Variants in PTPRG observed in about 807,000 individuals in gnomAD.
The protein encoded by PTPRG is protein tyrosine phosphatase receptor type G.
A neutral mutation model predicts 165.3 loss-of-function variants in PTPRG; 102 were observed. That is an observed-to-expected ratio of 0.62 (90% CI 0.53 to 0.73). The LOEUF (loss-of-function observed/expected upper bound fraction) is 0.73. PTPRG is among the 30% of genes least tolerant of loss of function. The pLI, the probability that PTPRG is intolerant of heterozygous loss-of-function variation, is 0.00. For synonymous variants in PTPRG, 675 were observed against 669.5 expected (o/e 1.01, Z -0.13); for missense variants, 1,866 against 1,861.4 (o/e 1.00, Z -0.05).
chr3:62,134,437 C>G (rs2106931992), intron 6 of PTPRG, among the ~76,000 whole-genome samples: 1 of 152,346 alleles, frequency 6.6e-6, no homozygotes, highest in South Asian at 2.1e-4. Context: ...GCCAGTCTGC[C>G]TGGTATGCAG....
chr3:62,151,688 A>G (rs1295720984), intron 6 of PTPRG, among the ~76,000 whole-genome samples: 1 of 151,544 alleles, frequency 6.6e-6, no homozygotes, highest in Non-Finnish European at 1.5e-5. Context: ...TTTTTCAAAT[A>G]TTTTTCTCAA....
At chr3:61,791,885 G>T (rs2034886180) in intron 2 of PTPRG, among the ~76,000 whole-genome samples, 1 of 152,220 alleles carries the variant, frequency 6.6e-6, no homozygotes, top group Admixed American at 6.5e-5. Flanking sequence ...CTTGCCTTCA[G>T]AGGTATCGTT....
At chr3:61,660,543 T>C (rs950692470) in intron 1 of PTPRG, among the ~76,000 whole-genome samples, 2 of 152,206 alleles carry the variant, frequency 1.3e-5, no homozygotes, top group African/African-American at 4.8e-5. Context: ...GCGAGTGATA[T>C]ATGCATTTAA....
chr3:61,814,352 G>C (rs2035692110), intron 2 of PTPRG, among the ~76,000 whole-genome samples: 1 of 152,132 alleles, frequency 6.6e-6, no homozygotes, highest in African/African-American at 2.4e-5. Flanking sequence ...CATAACCACT[G>C]GAGTATTCCA....
At chr3:61,677,796 C>T (rs184281177) in intron 1 of PTPRG, among the ~76,000 whole-genome samples, 2 of 152,144 alleles carry the variant, frequency 1.3e-5, no homozygotes, top group African/African-American at 4.8e-5. Flanking sequence ...TTCTGGAAAT[C>T]GGCAGCCCCT....
intron 1 of PTPRG, among the ~76,000 whole-genome samples, chr3:61,611,092 G>A (rs1015823177): frequency 1.3e-5 from 2 of 152,140 alleles, no homozygotes; most frequent in South Asian, 2.1e-4. Flanking sequence ...ATGAGCCACC[G>A]AGTCCGGTGT....
chr3:61,827,388 A>G (rs1198181162), intron 2 of PTPRG, among the ~76,000 whole-genome samples: 2 of 152,174 alleles, frequency 1.3e-5, no homozygotes, highest in Non-Finnish European at 1.5e-5. Flanking sequence ...CAACCTTTGT[A>G]TACCTTGTTC....
intron 2 of PTPRG, among the ~76,000 whole-genome samples, chr3:61,831,924 AAG>A (rs1243335389): frequency 6.6e-6 from 1 of 152,216 alleles, no homozygotes; most frequent in Non-Finnish European, 1.5e-5. Flanking sequence ...AATTACTTAA[AAG>A]AGAATAAACA....
At chr3:62,258,703 C>A (rs1026556771) in intron 16 of PTPRG, among the ~76,000 whole-genome samples, 2 of 152,074 alleles carry the variant, frequency 1.3e-5, no homozygotes, top group South Asian at 4.1e-4. Flanking sequence ...TTCTAGAGAC[C>A]GTGAAAAGCA....
intron 1 of PTPRG, among the ~76,000 whole-genome samples, chr3:61,642,662 A>G (rs1044130752): frequency 1.3e-5 from 2 of 152,134 alleles, no homozygotes; most frequent in African/African-American, 4.8e-5. Flanking sequence ...TAAAACCCGG[A>G]TTTGACTTGG....
At chr3:61,880,826 G>C (rs1201813310) in intron 2 of PTPRG, among the ~76,000 whole-genome samples, 1 of 152,112 alleles carries the variant, frequency 6.6e-6, no homozygotes, top group African/African-American at 2.4e-5. Flanking sequence ...ACGTGGATTA[G>C]CATTCAGAGT....
At chr3:61,688,838 TAGA>T (rs1486809994) in intron 1 of PTPRG, among the ~76,000 whole-genome samples, 6 of 152,328 alleles carry the variant, frequency 3.9e-5, no homozygotes, top group African/African-American at 1.4e-4. Flanking sequence ...GCCTTGTCAG[TAGA>T]AGAAGCTTAG....
chr3:62,194,854 G>A (rs1447419208), intron 9 of PTPRG, among the ~76,000 whole-genome samples: 6 of 151,878 alleles, frequency 4.0e-5, no homozygotes, highest in Non-Finnish European at 7.4e-5. Flanking sequence ...TGAACATTTC[G>A]GTGTTGAAAA....
At chr3:62,013,012 A>AT (rs1001862075) in intron 4 of PTPRG, among the ~76,000 whole-genome samples, 1 of 152,188 alleles carries the variant, frequency 6.6e-6, no homozygotes, top group Non-Finnish European at 1.5e-5. Context: ...GTCACTTTAA[A>AT]TTTTCAGAAG....
chr3:61,667,162 C>T (rs1702832495), intron 1 of PTPRG, among the ~76,000 whole-genome samples: 1 of 152,132 alleles, frequency 6.6e-6, no homozygotes, highest in African/African-American at 2.4e-5. Flanking sequence ...TAACAGAACT[C>T]GAATCCTAAG....
intron 5 of PTPRG, among the ~76,000 whole-genome samples, chr3:62,094,564 G>A (rs1485404343): frequency 6.6e-6 from 1 of 152,114 alleles, no homozygotes; most frequent in South Asian, 2.1e-4. Flanking sequence ...GTTGTTGACG[G>A]TTATTGCCAT....
chr3:61,837,380 C>G (rs1377917923), intron 2 of PTPRG, among the ~76,000 whole-genome samples: 1 of 152,170 alleles, frequency 6.6e-6, no homozygotes, highest in Non-Finnish European at 1.5e-5. Context: ...TAGATCTTGA[C>G]CTTTTGACAG....
At chr3:62,122,870 G>T (rs1703129689) in intron 5 of PTPRG, among the ~76,000 whole-genome samples, 1 of 152,164 alleles carries the variant, frequency 6.6e-6, no homozygotes, top group African/African-American at 2.4e-5. Flanking sequence ...ATGCAGCAGT[G>T]TAAGGAAAAT....
chr3:62,255,409 C>T lies in PTPRG; in HGVS notation c.2559+194C>T, dbSNP rs756626921. On this transcript the variant is annotated intron_variant, in intron 16 of 29. Coordinates refer to ENST00000474889, the MANE Select transcript of PTPRG (RefSeq NM_002841.4). This position sits in a 1 kb window ranked among gnomAD's most constrained non-coding sequence, Gnocchi z 4.0. ...TTAGGTGAAAGGGGAGTTGATTGTA[C>T]CTGTCCTGAATATGTATTTCTACAA... 3.3e-5 allele frequency among the ~76,000 whole-genome samples: 5 copies of T among 152,052 alleles called. No homozygotes were observed. The highest frequency in any genetic ancestry group is 7.4e-5 in the Non-Finnish European group (5 of 68,014).
Sources: gnomAD v4.1 joint callset for allele counts (sites outside exome capture counted in the v4.1 genomes callset) on GRCh38, gnomAD v4.1.1 for gene constraint, Gnocchi (gnomAD v3.1) non-coding constraint, MANE v1.5 for transcripts, NCBI Gene and HGNC (gene_info 2026-07-23, HGNC 2026-07-21) for gene names.